The following MTDH variants were observed in gnomAD, a reference collection of about 807,000 sequenced individuals.
MTDH encodes protein LYRIC.
MTDH carries 34 observed loss-of-function variants against 72.7 expected under a neutral mutation model. The ratio of observed to expected loss-of-function variants is 0.47; its 90% CI spans 0.36 to 0.62. The LOEUF is 0.62. Ranked by LOEUF, MTDH falls within the 20% of genes least tolerant of loss-of-function variation. The probability of loss-of-function intolerance (pLI) is 0.00; values close to 1 mark genes in which losing one functional copy is unlikely to be tolerated. For synonymous variants in MTDH, 266 were observed against 268.9 expected, an observed-to-expected ratio of 0.99 and a Z score of 0.10; for missense variants, 677 against 699.4, an observed-to-expected ratio of 0.97 and a Z score of 0.36.
rs553515715 is a variant in MTDH at position 97,681,538 on chromosome 8, G to C, written c.484-5130G>C. Reference sequence around the variant, plus strand: ...GATGGAATTTCGCTCTTGTTACCCAGTCTGGAGTGCAATGGTGTGATCTCA... The same window carrying C: ...GATGGAATTTCGCTCTTGTTACCCACTCTGGAGTGCAATGGTGTGATCTCA... On this transcript the variant is annotated intron_variant, in intron 2 of 11. Transcript: ENST00000336273. Among the ~76,000 whole-genome samples, 5 of 132,020 alleles carry C rather than the reference G, an allele frequency of 3.8e-5. No individual in the cohort carries two copies. In the Admixed American group the frequency reaches 4.4e-4, roughly 12 times the overall value. The allele number at this position is 132,020 out of a possible 152,430, so 86.6% of individuals were successfully genotyped here.
At chr8:97,683,672 G>T (rs78551279) in intron 2 of MTDH, among the ~76,000 whole-genome samples, 16,809 of 152,008 alleles carry the variant, frequency 0.11, 1,166 homozygotes, top group Non-Finnish European at 0.16. Context: ...GGGATTACAG[G>T]TGTAAACCAC....
chr8:97,696,030 T>C (rs1231494297), intron 6 of MTDH, among the ~76,000 whole-genome samples: 1 of 152,212 alleles, frequency 6.6e-6, no homozygotes, highest in Admixed American at 6.6e-5. Flanking sequence ...TAGAAGTGGT[T>C]GGTGTAAGGG....
intron 2 of MTDH, among the ~76,000 whole-genome samples, chr8:97,678,594 CTTTTTTTTTTTT>C (rs35895126): frequency 1.2e-5 from 1 of 85,312 alleles, no homozygotes; most frequent in Admixed American, 1.5e-4. Flanking sequence ...TTCCTTCCTT[CTTTTTTTTTTTT>C]TTTTTTTTTT....
chr8:97,673,243 AGGCATGGT>A (rs1009694169), intron 2 of MTDH, among the ~76,000 whole-genome samples: 2 of 152,200 alleles, frequency 1.3e-5, no homozygotes, highest in African/African-American at 4.8e-5. Context: ...CAATTAGGCC[AGGCATGGT>A]GGCTCACATC....
At chr8:97,722,081 G>A (rs1056515764) in intron 10 of MTDH, among the ~76,000 whole-genome samples, 2 of 152,010 alleles carry the variant, frequency 1.3e-5, no homozygotes, top group African/African-American at 2.4e-5. Context: ...GGTGGAAATG[G>A]ACAACAACCA....
chr8:97,673,991 A>G (rs981377966), intron 2 of MTDH, among the ~76,000 whole-genome samples: 1 of 151,900 alleles, frequency 6.6e-6, no homozygotes, highest in Non-Finnish European at 1.5e-5. Flanking sequence ...CAGTTAATCA[A>G]AAAAAATTTT....
chr8:97,702,708 A>C (rs1182873363), intron 7 of MTDH, among the ~76,000 whole-genome samples: 1 of 152,232 alleles, frequency 6.6e-6, no homozygotes, highest in African/African-American at 2.4e-5. Context: ...AGATGCTTAA[A>C]CCTAAAACAT....
chr8:97,713,730 GAAAA>G lies in MTDH; in HGVS notation c.1343_1346del (p.Lys448ArgfsTer17). 1 of 1,606,814 alleles carries G rather than the reference GAAAA, an allele frequency of 6.2e-7. No individual in the cohort carries two copies. The highest frequency in any genetic ancestry group is 8.5e-7 in the Non-Finnish European group (1 of 1,176,934). On this transcript the variant is annotated frameshift_variant, in exon 9 of 12. Coordinates refer to ENST00000336273, the MANE Select transcript of MTDH (RefSeq NM_178812.4). LOFTEE classifies it high-confidence loss of function. ...CTGGGAAATCCAAAAAGAAAAAAAA[GAAAA>G]AGAAGAAGCAAGGTGAAGATAACTC...
chr8:97,651,671 C>T (rs1811777712), intron 1 of MTDH, among the ~76,000 whole-genome samples: 1 of 152,138 alleles, frequency 6.6e-6, no homozygotes, highest in African/African-American at 2.4e-5. Flanking sequence ...ATACAGAATC[C>T]ATTAATAATG....
chr8:97,723,102 T>TA, intron 11 of MTDH, 67 bp downstream of exon 11: 4 of 1,526,102 alleles, frequency 2.6e-6, no homozygotes, highest in Non-Finnish European at 3.5e-6. Flanking sequence ...GTTCTGATCT[T>TA]AAAAGTCTAA....
rs80320514 is a variant in MTDH at position 97,729,319 on chromosome 8, C to T, written c.*4649C>T. ...GCCAGCTGGTAGAGGGCATTACCTC[C>T]CCCACCCCCAAGAACACTTCTTGGA... On this transcript the variant is annotated 3_prime_UTR_variant, in exon 12 of 12. Transcript: ENST00000336273. 7.7e-3 allele frequency among the ~76,000 whole-genome samples: 1,175 copies of T among 152,148 alleles called. 21 individuals are homozygous for T. Among genetic ancestry groups the T allele is most frequent in the South Asian group, 0.072 (345 of 4,816 alleles).
chr8:97,680,286 G>A (rs909298735), intron 2 of MTDH, among the ~76,000 whole-genome samples: 1 of 152,060 alleles, frequency 6.6e-6, no homozygotes, highest in Admixed American at 6.6e-5. Context: ...TGCCCAGGCT[G>A]GTCTCAAACT....
At chr8:97,722,852 A>T in intron 10 of MTDH, 27 bp from the exon 11 acceptor site, 1 of 1,577,108 alleles carries the variant, frequency 6.3e-7, no homozygotes, top group Non-Finnish European at 8.6e-7. Context: ...TCACCAAAAA[A>T]CCTGAGATGA....
chr8:97,720,108 A>AACCC (rs1172536081), intron 10 of MTDH, among the ~76,000 whole-genome samples: 6 of 151,462 alleles, frequency 4.0e-5, no homozygotes, highest in African/African-American at 1.5e-4. Context: ...AAGATGGTGA[A>AACCC]ACCCTGTCTC....
intron 2 of MTDH, among the ~76,000 whole-genome samples, chr8:97,667,898 T>G (rs573825255): frequency 5.3e-5 from 8 of 151,996 alleles, no homozygotes; most frequent in African/African-American, 1.9e-4. Context: ...CTTGACAACT[T>G]ACCAGTACAT....
In MTDH at chr8:97,644,731, C is replaced by T. The variant is rs932136017; in HGVS notation, c.225C>T (p.Cys75=). 1 of 1,578,160 alleles carries T rather than the reference C, an allele frequency of 6.3e-7. No homozygotes were observed. The change falls in exon 1 of 12, where the codon TGC becomes TGT. Residue 75 remains cysteine (C), a synonymous_variant. Coordinates refer to ENST00000336273, the MANE Select transcript of MTDH (RefSeq NM_178812.4). ...TGGGCTACGGCTGGGCCGCGGCTTG[C>T]GCCGGCGCCCGCAAAAAGCGGAGGA... ...FLLGYGWAAA[C]AGARKKRRSP...
Position 97,684,102 on chromosome 8 carries a change from A to G in MTDH, c.484-2566A>G, listed in dbSNP as rs1052950298. 1.1e-3 allele frequency among the ~76,000 whole-genome samples: 167 copies of G among 147,726 alleles called. 2 individuals are homozygous for G. Among genetic ancestry groups the G allele is most frequent in the African/African-American group, 3.8e-3 (154 of 40,310 alleles). On this transcript the variant is annotated intron_variant, in intron 2 of 11. Transcript: ENST00000336273. Reference sequence around the variant, plus strand: ...CGGTGAACTGAGATCGCGCCATTGCACTCCAGCCTGGGCAACAAGAGTGAA... The same window carrying G: ...CGGTGAACTGAGATCGCGCCATTGCGCTCCAGCCTGGGCAACAAGAGTGAA...
intron 6 of MTDH, among the ~76,000 whole-genome samples, chr8:97,698,041 A>G (rs1230686420): frequency 6.6e-6 from 1 of 152,170 alleles, no homozygotes; most frequent in Non-Finnish European, 1.5e-5. Context: ...CATATTAAAC[A>G]TACATATAGA....
At chr8:97,721,415 C>T (rs1815118890) in intron 10 of MTDH, among the ~76,000 whole-genome samples, 2 of 152,102 alleles carry the variant, frequency 1.3e-5, no homozygotes, top group Non-Finnish European at 2.9e-5. Context: ...TACACTCCAG[C>T]CTGGGTGACA....
Sources: gnomAD v4.1 joint callset for allele counts (sites outside exome capture counted in the v4.1 genomes callset) on GRCh38, gnomAD v4.1.1 for gene constraint, MANE v1.5 for transcripts, NCBI Gene and HGNC (gene_info 2026-07-23, HGNC 2026-07-21) for gene names.